The following MICAL2 variants were observed in gnomAD, a reference collection of about 807,000 sequenced individuals.
MICAL2 encodes the protein microtubule associated monooxygenase, calponin and LIM domain containing 2.
In MICAL2, 77 loss-of-function variants were observed where a neutral mutation model predicts 127.3. That is an observed-to-expected ratio of 0.60 (90% CI 0.50 to 0.73). The LOEUF (loss-of-function observed/expected upper bound fraction) is 0.73. MICAL2 is among the 30% of genes least tolerant of loss of function. MICAL2 has a pLI of 0.00. For missense variants in MICAL2, 1,351 were observed against 1,434.4 expected, an observed-to-expected ratio of 0.94 and a Z score of 0.94; for synonymous variants, 570 against 551.1, an observed-to-expected ratio of 1.03 and a Z score of -0.48.
At chr11:12,170,173 G>A in intron 3 of MICAL2, among the ~76,000 whole-genome samples, 1 of 152,136 alleles carries the variant, frequency 6.6e-6, no homozygotes, top group Non-Finnish European at 1.5e-5. Context: ...TACTTTGTCA[G>A]TCCCCATTTC....
Position 12,224,653 on chromosome 11 carries a change from C to T in MICAL2, c.1541-20C>T, listed in dbSNP as rs1327985715. The T allele has an allele frequency of 2.5e-6, 4 of 1,610,022 alleles. No individual in the cohort carries two copies. Among genetic ancestry groups the T allele is most frequent in the Non-Finnish European group, 3.4e-6 (4 of 1,176,768 alleles). On this transcript the variant is annotated intron_variant, in intron 12 of 27. Transcript: ENST00000683283. Reference sequence around the variant, plus strand: ...TGAGATTCCTGCAGAGCCTCACTGCCTGCGCTCTCCTTCTTGCAGAGTCAG... The same window carrying T: ...TGAGATTCCTGCAGAGCCTCACTGCTTGCGCTCTCCTTCTTGCAGAGTCAG...
intron 32 of MICAL2, among the ~76,000 whole-genome samples, chr11:12,339,478 C>T (rs1038909766): frequency 5.9e-5 from 9 of 152,160 alleles, no homozygotes; most frequent in East Asian, 1.9e-4. Flanking sequence ...AGCTTTGTTC[C>T]GTTGCTGGTG....
intron 34 of MICAL2, among the ~76,000 whole-genome samples, chr11:12,355,523 C>T (rs1416082396): frequency 6.6e-6 from 1 of 152,184 alleles, no homozygotes; most frequent in Non-Finnish European, 1.5e-5. Context: ...GATGCATGAC[C>T]TTCCCATATT....
chr11:12,282,598 C>G (rs1304541270), intron 2 of MICAL2, among the ~76,000 whole-genome samples: 1 of 152,192 alleles, frequency 6.6e-6, no homozygotes, highest in Non-Finnish European at 1.5e-5. Flanking sequence ...AACAGTTGCT[C>G]TAATTGAATC....
chr11:12,260,918 C>T (rs1216074483), intron 26 of MICAL2: 6 of 985,380 alleles, frequency 6.1e-6, no homozygotes, highest in African/African-American at 1.7e-5. Flanking sequence ...TTTCCCTTCC[C>T]ACTAATGGGC....
chr11:12,217,277 G>A (rs1856292632), intron 8 of MICAL2, among the ~76,000 whole-genome samples: 1 of 152,226 alleles, frequency 6.6e-6, no homozygotes, highest in South Asian at 2.1e-4. Context: ...AGAGAAGAAT[G>A]CAGCTATCTT....
intron 1 of MICAL2, among the ~76,000 whole-genome samples, chr11:12,137,292 A>AC (rs5789714): frequency 0.92 from 139,396 of 152,244 alleles, 64,376 homozygotes; most frequent in Non-Finnish European, 0.98. Context: ...CACCAGGACT[A>AC]AATCAGAGTT....
At chr11:12,220,145 T>G in intron 8 of MICAL2, 56 bp from the exon 9 acceptor site, 1 of 1,602,378 alleles carries the variant, frequency 6.2e-7, no homozygotes, top group Non-Finnish European at 8.5e-7. Flanking sequence ...GAGGTGGGTA[T>G]GAAGGCTAGC....
At chr11:12,349,535 T>C (rs1010117718) in intron 32 of MICAL2, among the ~76,000 whole-genome samples, 1 of 152,154 alleles carries the variant, frequency 6.6e-6, no homozygotes, top group Non-Finnish European at 1.5e-5. Flanking sequence ...TTACAAAGAA[T>C]ATACGAGTAG....
chr11:12,197,315 C>A (rs1023600163), intron 3 of MICAL2, among the ~76,000 whole-genome samples: 4 of 152,182 alleles, frequency 2.6e-5, no homozygotes, highest in Non-Finnish European at 5.9e-5. Flanking sequence ...TTCCTATCTG[C>A]CAAATGGCTA....
At chr11:12,152,777 C>G (rs1409956980) in intron 2 of MICAL2, among the ~76,000 whole-genome samples, 7 of 151,582 alleles carry the variant, frequency 4.6e-5, no homozygotes, top group Non-Finnish European at 5.9e-5. Context: ...TTCATTGAAC[C>G]AATAAAAAAC....
At chr11:12,251,577 TAAAA>T (rs536942703) in intron 22 of MICAL2, among the ~76,000 whole-genome samples, 8,374 of 93,696 alleles carry the variant, frequency 0.089, 543 homozygotes, top group East Asian at 0.33. Flanking sequence ...CATTTCACTT[TAAAA>T]AAAAAAAAAA....
At chr11:12,271,573 T>C (rs766517051), upstream of MICAL2, among the ~76,000 whole-genome samples, 6 of 152,148 alleles carry the variant, frequency 3.9e-5, no homozygotes, top group Non-Finnish European at 7.4e-5. Context: ...AATACCGTTC[T>C]CTTAGGGCTG....
intron 6 of MICAL2, among the ~76,000 whole-genome samples, chr11:12,210,344 A>T (rs1590366488): frequency 6.6e-6 from 1 of 152,308 alleles, no homozygotes; most frequent in Non-Finnish European, 1.5e-5. Flanking sequence ...GTTATAAACA[A>T]CATGGCCCCA....
intron 3 of MICAL2, among the ~76,000 whole-genome samples, chr11:12,164,786 T>G (rs1383866573): frequency 6.6e-6 from 1 of 152,118 alleles, no homozygotes; most frequent in African/African-American, 2.4e-5. Context: ...ATCACATGAT[T>G]GATGTGAGGG....
At chr11:12,290,566 A>G (rs539234249), downstream of MICAL2, among the ~76,000 whole-genome samples, 27 of 152,220 alleles carry the variant, frequency 1.8e-4, no homozygotes, top group Non-Finnish European at 4.0e-4. Context: ...GGACTGACTC[A>G]CAACTTTTGC....
chr11:12,316,207 T>A (rs1402278693), intron 29 of MICAL2, among the ~76,000 whole-genome samples: 1 of 152,028 alleles, frequency 6.6e-6, no homozygotes, highest in Non-Finnish European at 1.5e-5. Context: ...CTTGCTTTTT[T>A]AAAATCCAGT....
At chr11:12,204,508 G>C in intron 4 of MICAL2, 51 bp downstream of exon 4, 1 of 1,570,220 alleles carries the variant, frequency 6.4e-7, no homozygotes, top group Non-Finnish European at 8.7e-7. Flanking sequence ...CTGACCCTGG[G>C]TGGGACATAT....
At position 12,304,846 on chromosome 11, in the gene MICAL2, G is replaced by A. The variant is rs146241519; in HGVS notation, c.5212+9989G>A. Among the ~76,000 whole-genome samples the A allele has an allele frequency of 5.1e-4, 78 of 152,172 alleles. 1 individual carries two copies. The highest frequency in any genetic ancestry group is 8.5e-4 in the Admixed American group (13 of 15,282). On this transcript the variant is annotated intron_variant, in intron 29 of 34. Coordinates refer to the MICAL2 transcript ENST00000646065. Reference sequence around the variant, plus strand: ...TCATTATGTGGTTTTATAATAAATCGTCATAGTCTAGAGTAAATCCTTCAC... The same window carrying A: ...TCATTATGTGGTTTTATAATAAATCATCATAGTCTAGAGTAAATCCTTCAC...
Sources: gnomAD v4.1 joint callset for allele counts (sites outside exome capture counted in the v4.1 genomes callset) on GRCh38, gnomAD v4.1.1 for gene constraint, MANE v1.5 for transcripts, NCBI Gene and HGNC (gene_info 2026-07-23, HGNC 2026-07-21) for gene names.